PLA2G2F: variants seen among roughly 807,000 people sequenced by gnomAD.
The protein encoded by PLA2G2F is phospholipase A2 group IIF.
Under a neutral mutation model 15.9 loss-of-function variants are expected in PLA2G2F, and 17 were observed. The ratio of observed to expected loss-of-function variants is 1.07; its 90% CI spans 0.73 to 1.60. The LOEUF (loss-of-function observed/expected upper bound fraction) is 1.60, where lower values mean the gene tolerates loss of function less well. PLA2G2F is among the 40% of genes most tolerant of loss of function. The probability of loss-of-function intolerance (pLI) is 0.00; values close to 1 mark genes in which losing one functional copy is unlikely to be tolerated. For synonymous variants in PLA2G2F, 119 were observed against 106.5 expected, an observed-to-expected ratio of 1.12 and a Z score of -0.72; for missense variants, 299 against 278.2, an observed-to-expected ratio of 1.07 and a Z score of -0.53.
chr1:20,140,458 G>T (rs3795508), intron 2 of PLA2G2F: 12 of 511,660 alleles, frequency 2.3e-5, no homozygotes, highest in Non-Finnish European at 3.5e-5. Flanking sequence ...AGCAAGCATC[G>T]TAAAATGCTG....
In PLA2G2F at chr1:20,139,483, G is replaced by T; in HGVS notation, c.56G>T (p.Arg19Ile). ...GGGTTCAAAAAGAAGGTGCTGGATA[G>T]ATGCTTCTCTGGGTGGAGGGGCCCA... ...PKGFKKKVLDRCFSGWRGPRF... is the reference protein window; with the variant it reads ...PKGFKKKVLDICFSGWRGPRF... Residue 19 changes from arginine to isoleucine, a missense_variant, in exon 1 of 5, where the codon AGA becomes ATA. Arg to Ile is a moderately conservative substitution (Grantham distance 97). Coordinates refer to ENST00000375102, the MANE Select transcript of PLA2G2F (RefSeq NM_022819.4). The T allele has an allele frequency of 6.3e-7, 1 of 1,583,638 alleles. No individual in the cohort carries two copies.
At position 20,148,180 on chromosome 1, in the gene PLA2G2F, C is replaced by A; in HGVS notation, c.425-10C>A. On this transcript the variant is annotated splice_polypyrimidine_tract_variant and intron_variant, in intron 4 of 4. Transcript: ENST00000375102. ...TCATCCACAGCCTTTGCCACCCCATCCCCCTGTAGGTGACCTCAACAAGAC... is the reference window on the plus strand; with the variant it reads ...TCATCCACAGCCTTTGCCACCCCATACCCCTGTAGGTGACCTCAACAAGAC... 2.5e-6 allele frequency: 4 copies of A among 1,612,784 alleles called. No homozygotes were observed. Among genetic ancestry groups the A allele is most frequent in the Non-Finnish European group, 2.5e-6 (3 of 1,178,814 alleles).
chr1:20,146,430 C>T (rs1308194456), intron 4 of PLA2G2F, among the ~76,000 whole-genome samples: 3 of 152,212 alleles, frequency 2.0e-5, no homozygotes, highest in African/African-American at 7.2e-5. Context: ...TGGCGGGTTC[C>T]TTCATTTACC....
At chr1:20,143,075 G>A (rs976288046) in intron 2 of PLA2G2F, 2 of 171,220 alleles carry the variant, frequency 1.2e-5, no homozygotes, top group African/African-American at 4.7e-5. Context: ...CTGGGCCTCA[G>A]TCTTCTCATC....
intron 2 of PLA2G2F, chr1:20,140,423 C>T: frequency 1.7e-6 from 1 of 577,712 alleles, no homozygotes; most frequent in Admixed American, 3.2e-5. Context: ...CATTTATGAG[C>T]CCTGGGGGGC....
chr1:20,139,934 C>G (rs1231011029), intron 1 of PLA2G2F, among the ~76,000 whole-genome samples: 2 of 152,076 alleles, frequency 1.3e-5, no homozygotes, highest in Non-Finnish European at 2.9e-5. Context: ...GGAGGGGGTT[C>G]CTGCCAGAGT....
rs952154403 is a variant in PLA2G2F at position 20,139,608 on chromosome 1, G to C, written c.116+65G>C. On this transcript the variant is annotated intron_variant, in intron 1 of 4. Transcript: ENST00000375102. ...GGGCAGGGACAGGCGTGAGGGACTGGCTCCTAGAATCCCTTTCTCCTAAGA... is the reference window on the plus strand; with the variant it reads ...GGGCAGGGACAGGCGTGAGGGACTGCCTCCTAGAATCCCTTTCTCCTAAGA... The C allele has an allele frequency of 6.0e-5, 74 of 1,231,180 alleles. No homozygotes were observed. The African/African-American group carries it at 1.1e-3, about 19-fold the overall frequency. 76.3% of individuals were successfully genotyped at this position (1,231,180 alleles called of 1,614,324 possible).
At position 20,148,616 on chromosome 1, in the gene PLA2G2F, G is replaced by T; in HGVS notation, c.*215G>T. 3.4e-6 allele frequency: 2 copies of T among 593,746 alleles called. No individual in the cohort carries two copies. The highest frequency in any genetic ancestry group is 6.0e-6 in the Non-Finnish European group (2 of 333,402). The allele number at this position is 593,746 out of a possible 1,614,324, so 36.8% of individuals were successfully genotyped here. On this transcript the variant is annotated 3_prime_UTR_variant, in exon 5 of 5. Transcript: ENST00000375102. The stretch of plus-strand genomic sequence containing the variant: ...CAGGCATGGGTGCCTCCTGCTGCTG[G>T]TTCTGGACTGGGTGGGAGGCACGGA...
intron 1 of PLA2G2F, 124 bp downstream of exon 1, chr1:20,139,667 T>C (rs2017420444): frequency 1.4e-6 from 1 of 727,904 alleles, no homozygotes; most frequent in Non-Finnish European, 2.2e-6. Flanking sequence ...AAAGGGATCA[T>C]TTAGTCAACC....
At position 20,148,275 on chromosome 1, in the gene PLA2G2F, A is replaced by C; in HGVS notation, c.510A>C (p.Arg170=). The C allele has an allele frequency of 1.2e-6, 2 of 1,614,052 alleles. No homozygotes were observed. The highest frequency in any genetic ancestry group is 1.7e-6 in the Non-Finnish European group (2 of 1,179,980). Residue 170 remains arginine, a synonymous_variant, in exon 5 of 5, where the codon CGA becomes CGC. Transcript: ENST00000375102. ...MVLCLMNQTY[R]EEYRGFLNVY... ...TGTGCCTCATGAACCAGACGTACCG[A>C]GAGGAGTACCGTGGCTTCCTCAATG...
Position 20,147,131 on chromosome 1 carries a change from C to T in PLA2G2F, c.425-1059C>T, listed in dbSNP as rs542818078. The stretch of plus-strand genomic sequence containing the variant: ...AGACCGATCAAGCTAGTTGGAGGTT[C>T]TCAAAGGGTAGCCCCTGAACCAGCA... On this transcript the variant is annotated intron_variant, in intron 4 of 4. Transcript: ENST00000375102. Among the ~76,000 whole-genome samples the T allele has an allele frequency of 5.3e-5, 8 of 152,264 alleles. No homozygotes were observed. The East Asian group carries it at 1.5e-3, about 29-fold the overall frequency.
At chr1:20,147,026 G>A (rs1283343247) in intron 4 of PLA2G2F, among the ~76,000 whole-genome samples, 3 of 152,202 alleles carry the variant, frequency 2.0e-5, no homozygotes, top group African/African-American at 4.8e-5. Context: ...TTCTTCTGGG[G>A]CCGTCTGATG....
chr1:20,147,544 GT>G (rs2017637825), intron 4 of PLA2G2F, among the ~76,000 whole-genome samples: 1 of 151,838 alleles, frequency 6.6e-6, no homozygotes, highest in Non-Finnish European at 1.5e-5. Flanking sequence ...CTCCTCCAGG[GT>G]TCAAGCAATT....
In PLA2G2F at chr1:20,149,923, C is replaced by T. The variant is rs762568733; in HGVS notation, c.*1522C>T. On this transcript the variant is annotated 3_prime_UTR_variant, in exon 5 of 5. Transcript: ENST00000375102. ...CGGACTCAACAGCCGCCAGCAAGCT[C>T]GCCTGGCAGTGCCCCTGGAGCACCA... The T allele has an allele frequency of 4.6e-5, 7 of 152,440 alleles. No homozygotes were observed. Among genetic ancestry groups the T allele is most frequent in the South Asian group, 2.1e-4 (1 of 4,830 alleles). The allele number at this position is 152,440 out of a possible 1,614,324, so 9.4% of individuals were successfully genotyped here.
chr1:20,148,511 C>A lies in PLA2G2F; in HGVS notation c.*110C>A. On this transcript the variant is annotated 3_prime_UTR_variant, in exon 5 of 5. Coordinates refer to ENST00000375102, the MANE Select transcript of PLA2G2F (RefSeq NM_022819.4). ...GGAGCCTGAGGGTTGCTGGTTGCCT[C>A]CTCCCTGGAGCTCTCCAGTGAGGGC... 1.1e-6 allele frequency: 1 copy of A among 897,746 alleles called. No individual in the cohort carries two copies. The highest frequency in any genetic ancestry group is 1.7e-6 in the Non-Finnish European group (1 of 584,120). 55.6% of individuals were successfully genotyped at this position (897,746 alleles called of 1,614,324 possible). A position where few individuals can be genotyped will look rare whatever the true frequency, so the allele number is the denominator to read the frequency against.
chr1:20,143,398 G>T (rs371437766), intron 2 of PLA2G2F, 48 bp from the exon 3 acceptor site: 2 of 1,594,072 alleles, frequency 1.3e-6, no homozygotes, highest in Non-Finnish European at 8.6e-7. Context: ...GGCTGGGAGC[G>T]GCCAGCCCCG....
At chr1:20,147,718 G>A (rs537891224) in intron 4 of PLA2G2F, among the ~76,000 whole-genome samples, 1 of 152,256 alleles carries the variant, frequency 6.6e-6, no homozygotes, top group African/African-American at 2.4e-5. Flanking sequence ...CCAAAGTGCT[G>A]GGATTACAGG....
intron 3 of PLA2G2F, 158 bp downstream of exon 3, chr1:20,143,748 G>A: frequency 1.1e-6 from 1 of 932,056 alleles, no homozygotes; most frequent in Non-Finnish European, 1.6e-6. Flanking sequence ...CTTTGACTAT[G>A]TTCTTTCCAA....
intron 2 of PLA2G2F, 161 bp downstream of exon 2, chr1:20,140,379 G>A: frequency 5.5e-6 from 4 of 732,744 alleles, no homozygotes; most frequent in Non-Finnish European, 6.6e-6. Context: ...CCCAATTCTG[G>A]GGCTGTTTAC....
Sources: gnomAD v4.1 joint callset for allele counts (sites outside exome capture counted in the v4.1 genomes callset) on GRCh38, gnomAD v4.1.1 for gene constraint, MANE v1.5 for transcripts, NCBI Gene and HGNC (gene_info 2026-07-23, HGNC 2026-07-21) for gene names.